The following TJP1 variants were observed in gnomAD, a reference collection of about 807,000 sequenced individuals.
The protein encoded by TJP1 is tight junction protein 1.
Under a neutral mutation model 194.2 loss-of-function variants are expected in TJP1, and 43 were observed. The observed-to-expected ratio is 0.22, with a 90% confidence interval of 0.17 to 0.29. The LOEUF is 0.29. TJP1 is among the 10% of genes least tolerant of loss of function. The pLI, the probability that TJP1 is intolerant of heterozygous loss-of-function variation, is 1.00. For synonymous variants in TJP1, 801 were observed against 779.0 expected, an observed-to-expected ratio of 1.03 and a Z score of -0.47; for missense variants, 1,971 against 2,185.7, an observed-to-expected ratio of 0.90 and a Z score of 1.96.
At chr15:29,722,644 C>T (rs189509066) in intron 18 of TJP1, among the ~76,000 whole-genome samples, 4 of 152,332 alleles carry the variant, frequency 2.6e-5, no homozygotes, top group African/African-American at 9.6e-5. Flanking sequence ...CACTGGGGCA[C>T]TGCCTAGTGG....
In TJP1 at chr15:29,726,262, T is replaced by C. The variant is rs1595647250; in HGVS notation, c.2412+117A>G. 4 of 865,662 alleles carry C rather than the reference T, an allele frequency of 4.6e-6. No individual in the cohort carries two copies. The East Asian group carries it at 1.1e-4, about 23-fold the overall frequency. The allele number at this position is 865,662 out of a possible 1,614,324, so 53.6% of individuals were successfully genotyped here. On this transcript the variant is annotated intron_variant, in intron 18 of 27. Transcript: ENST00000614355. ...AATTATAAAAACCTAAAAGCTAACT[T>C]TCCCCAAATTTCTCCAATATGTTGA... is the stretch of plus-strand genomic sequence containing the variant.
intron 16 of TJP1, among the ~76,000 whole-genome samples, chr15:29,727,695 CT>C (rs985692175): frequency 6.6e-6 from 1 of 152,198 alleles, no homozygotes; most frequent in Non-Finnish European, 1.5e-5. Context: ...TATAAGCAGT[CT>C]GTTAATTACA....
intron 18 of TJP1, among the ~76,000 whole-genome samples, chr15:29,723,642 T>C (rs765530971): frequency 3.3e-5 from 5 of 152,228 alleles, no homozygotes; most frequent in Non-Finnish European, 7.3e-5. Flanking sequence ...AATCATCACC[T>C]ACATGGTGGT....
chr15:29,869,791 CTTTCTTTT>C (rs2052435220), intron 2 of TJP1, among the ~76,000 whole-genome samples: 1 of 102,912 alleles, frequency 9.7e-6, no homozygotes, highest in Non-Finnish European at 1.9e-5. Flanking sequence ...TTCTTTCTTT[CTTTCTTTT>C]TTTTTTTTTT....
At chr15:29,787,941 T>G (rs1410226540) in intron 2 of TJP1, among the ~76,000 whole-genome samples, 1 of 152,242 alleles carries the variant, frequency 6.6e-6, no homozygotes, top group East Asian at 1.9e-4. Context: ...ATCAGCAATG[T>G]ACAAAGGTTT....
chr15:29,756,343 T>G (rs972982293), intron 8 of TJP1, among the ~76,000 whole-genome samples: 2 of 152,234 alleles, frequency 1.3e-5, no homozygotes, highest in African/African-American at 4.8e-5. Context: ...TTTCCCTATG[T>G]ATATGTATTT....
At chr15:29,909,449 T>C (rs1277088823) in intron 2 of TJP1, among the ~76,000 whole-genome samples, 1 of 151,662 alleles carries the variant, frequency 6.6e-6, no homozygotes, top group Non-Finnish European at 1.5e-5. Flanking sequence ...CTTGCAGCTA[T>C]CCCATGAAGA....
At chr15:29,756,415 T>C (rs1034376689) in intron 8 of TJP1, among the ~76,000 whole-genome samples, 4 of 152,222 alleles carry the variant, frequency 2.6e-5, no homozygotes, top group Non-Finnish European at 4.4e-5. Context: ...ACTTTTTCTG[T>C]AATTGACTCC....
At chr15:29,808,544 T>C (rs1397988188) in intron 1 of TJP1, among the ~76,000 whole-genome samples, 1 of 152,200 alleles carries the variant, frequency 6.6e-6, no homozygotes, top group African/African-American at 2.4e-5. Flanking sequence ...TTGACTGCAA[T>C]GGATTAAAAT....
At chr15:29,899,852 T>C (rs561545839) in intron 2 of TJP1, among the ~76,000 whole-genome samples, 35 of 152,342 alleles carry the variant, frequency 2.3e-4, no homozygotes, top group African/African-American at 8.2e-4. Flanking sequence ...CTGATTAATT[T>C]ATTCAGGAAA....
intron 26 of TJP1, among the ~76,000 whole-genome samples, chr15:29,705,301 C>A (rs1273890867): frequency 1.3e-5 from 2 of 152,238 alleles, no homozygotes; most frequent in East Asian, 1.9e-4. Context: ...CCTATGCCAT[C>A]ATTTTTTATT....
chr15:29,949,189 C>T (rs1051129101), intron 2 of TJP1, among the ~76,000 whole-genome samples: 1 of 149,020 alleles, frequency 6.7e-6, no homozygotes, highest in African/African-American at 2.5e-5. Flanking sequence ...CCATCACCTC[C>T]ACCACCAGCA....
intron 8 of TJP1, chr15:29,760,062 G>A (rs1045012368): frequency 4.2e-5 from 22 of 528,742 alleles, no homozygotes; most frequent in African/African-American, 3.7e-4. Context: ...CAGAATGGCC[G>A]TATCAATTAC....
chr15:29,733,953 A>C (rs1019929764), intron 12 of TJP1, among the ~76,000 whole-genome samples: 25 of 152,190 alleles, frequency 1.6e-4, no homozygotes, highest in Admixed American at 5.9e-4. Flanking sequence ...TCAGTACAAA[A>C]TCTGAAAGCT....
chr15:29,729,717 G>A (rs1020272368), intron 15 of TJP1, among the ~76,000 whole-genome samples: 1 of 152,108 alleles, frequency 6.6e-6, no homozygotes, highest in East Asian at 1.9e-4. Flanking sequence ...CTACTCGGGA[G>A]GCTGAGGCAG....
chr15:29,785,114 A>G (rs1240552409), intron 2 of TJP1, among the ~76,000 whole-genome samples: 1 of 152,220 alleles, frequency 6.6e-6, no homozygotes, highest in Non-Finnish European at 1.5e-5. Context: ...GATTTTTAAA[A>G]GTATGTTTAC....
intron 2 of TJP1, among the ~76,000 whole-genome samples, chr15:29,894,915 G>A (rs1250237904): frequency 6.6e-6 from 1 of 152,202 alleles, no homozygotes. Flanking sequence ...GCCAAACCTG[G>A]GGTAGCTGAG....
chr15:29,842,299 T>C (rs1236258204), intron 2 of TJP1, among the ~76,000 whole-genome samples: 1 of 152,180 alleles, frequency 6.6e-6, no homozygotes, highest in African/African-American at 2.4e-5. Flanking sequence ...ATGTGAGCTA[T>C]ACATACATTT....
At chr15:29,846,464 C>T (rs1364932692) in intron 2 of TJP1, among the ~76,000 whole-genome samples, 1 of 152,026 alleles carries the variant, frequency 6.6e-6, no homozygotes, top group African/African-American at 2.4e-5. Flanking sequence ...CAGGGAGTTA[C>T]ACACAAGAGA....
Sources: allele counts gnomAD v4.1 joint callset (sites outside exome capture counted in the v4.1 genomes callset), GRCh38; gene constraint gnomAD v4.1.1; transcripts MANE v1.5; gene names NCBI Gene and HGNC (gene_info 2026-07-23, HGNC 2026-07-21).